UBR2: variants seen among roughly 807,000 people sequenced by gnomAD.
UBR2 encodes ubiquitin protein ligase E3 component n-recognin 2.
Under a neutral mutation model 247.9 loss-of-function variants are expected in UBR2, and 92 were observed. The ratio of observed to expected loss-of-function variants is 0.37; its 90% CI spans 0.31 to 0.44. The LOEUF is 0.44. Ranked by LOEUF, UBR2 falls within the 20% of genes least tolerant of loss-of-function variation. The probability of loss-of-function intolerance (pLI) is 1.00; values close to 1 mark genes in which losing one functional copy is unlikely to be tolerated. For synonymous variants in UBR2, 672 were observed against 693.5 expected, an observed-to-expected ratio of 0.97 and a Z score of 0.49; for missense variants, 1,613 against 2,112.6, an observed-to-expected ratio of 0.76 and a Z score of 4.64.
At chr6:42,636,865 A>AG (rs1227894811) in intron 14 of UBR2, 146 bp from the exon 15 acceptor site, 1 of 740,856 alleles carries the variant, frequency 1.3e-6, no homozygotes, top group Non-Finnish European at 2.1e-6. Context: ...GGACACTGGA[A>AG]GAGGGACCAA....
chr6:42,658,247 A>T lies in UBR2; in HGVS notation c.2990A>T (p.Asn997Ile), dbSNP rs200458609. ...DMIRWILKTF[N>I]AVKKMRESSP... ...ATACTTTTTTTTTTGTAGACTTTTA[A>T]TGCTGTTAAAAAGATGAGGGAGAGT... is the stretch of plus-strand genomic sequence containing the variant. Residue 997 changes from asparagine (N) to isoleucine (I), a missense_variant, in exon 28 of 47, where the codon AAT becomes ATT. Coordinates refer to ENST00000372901, the MANE Select transcript of UBR2 (RefSeq NM_001363705.2). The T allele has an allele frequency of 7.8e-5, 126 of 1,613,568 alleles. No individual in the cohort carries two copies. The highest frequency in any genetic ancestry group is 1.1e-4 in the Non-Finnish European group (124 of 1,179,848).
chr6:42,658,154 T>C (rs1156291217), intron 27 of UBR2, 21 bp downstream of exon 27: 1 of 1,612,258 alleles, frequency 6.2e-7, no homozygotes, highest in Non-Finnish European at 8.5e-7. Context: ...CACATTCCTC[T>C]GCTTTTTGTG....
intron 11 of UBR2, among the ~76,000 whole-genome samples, chr6:42,624,200 G>T (rs2151945706): frequency 6.6e-6 from 1 of 152,100 alleles, no homozygotes; most frequent in East Asian, 1.9e-4. Flanking sequence ...GAGTGCAGTG[G>T]TGCGATCTCA....
chr6:42,688,166 CT>C (rs758156825), intron 44 of UBR2, 49 bp from the exon 45 acceptor site: 1 of 1,613,092 alleles, frequency 6.2e-7, no homozygotes, highest in Non-Finnish European at 8.5e-7. Flanking sequence ...ATCACTAGCT[CT>C]TTAGCCACTC....
Position 42,688,339 on chromosome 6 carries a change from C to A in UBR2, c.4977C>A (p.Cys1659Ter). ...TELEGEDVGA[C>*]TAHTYSCGSG... ...TGGAAGGGGAGGATGTAGGAGCCTG[C>A]ACAGCTCACACCTACTCCTGTGGCT... Residue 1659 changes from cysteine (C) to a stop codon, truncating the protein, a stop_gained, in exon 45 of 47, where the codon TGC (cysteine) becomes TGA (stop). Coordinates refer to ENST00000372901, the MANE Select transcript of UBR2 (RefSeq NM_001363705.2). LOFTEE classifies it high-confidence loss of function. 1 of 1,613,832 alleles carries A rather than the reference C, an allele frequency of 6.2e-7. No homozygotes were observed. Among genetic ancestry groups the A allele is most frequent in the Non-Finnish European group, 8.5e-7 (1 of 1,180,036 alleles).
rs1798344150 is a variant in UBR2, at chr6:42,670,110, C to A, written c.3900C>A (p.Ser1300Arg). The A allele has an allele frequency of 6.2e-7, 1 of 1,614,048 alleles. No individual in the cohort carries two copies. Among genetic ancestry groups the A allele is most frequent in the Admixed American group, 1.7e-5 (1 of 60,004 alleles). Residue 1300 changes from serine (S) to arginine (R), a missense_variant, in exon 35 of 47, where the codon AGC (serine) becomes AGA (arginine). Ser to Arg is a moderately radical substitution (Grantham distance 110). Coordinates refer to ENST00000372901, the MANE Select transcript of UBR2 (RefSeq NM_001363705.2). The part of the protein sequence containing the change: ...DFRPKIPYSE[S>R]IKEMLTTFGT... ...ACTTCAGGATCCCTTATTCTGAGAG[C>A]ATAAAAGAAATGCTAACGACATTTG...
At chr6:42,663,993 T>C (rs1797969211) in intron 32 of UBR2, among the ~76,000 whole-genome samples, 1 of 152,044 alleles carries the variant, frequency 6.6e-6, no homozygotes, top group Admixed American at 6.6e-5. Context: ...ACCCTGTCTG[T>C]ACAAAAAATA....
intron 37 of UBR2, 70 bp from the exon 38 acceptor site, chr6:42,674,056 A>C: frequency 6.7e-7 from 1 of 1,502,730 alleles, no homozygotes. Context: ...GATAAATTTA[A>C]AGCAGATTAT....
chr6:42,670,907 C>T (rs1167396232), intron 36 of UBR2, among the ~76,000 whole-genome samples, 192 bp downstream of exon 36: 2 of 152,172 alleles, frequency 1.3e-5, no homozygotes, highest in African/African-American at 4.8e-5. Flanking sequence ...TTCAGGAGGC[C>T]GGGCGCAGTG....
chr6:42,637,649 T>A (rs2151954938), intron 15 of UBR2, among the ~76,000 whole-genome samples: 1 of 152,346 alleles, frequency 6.6e-6, no homozygotes, highest in African/African-American at 2.4e-5. Flanking sequence ...CCTCTCCCTC[T>A]GAGCTGTTTC....
rs374306390 is a variant in UBR2, at chr6:42,625,812, T to C, written c.1282-6740T>C. 1.3e-3 allele frequency among the ~76,000 whole-genome samples: 195 copies of C among 148,838 alleles called. 1 individual carries two copies. The highest frequency in any genetic ancestry group is 8.3e-4 in the African/African-American group (34 of 40,734). On this transcript the variant is annotated intron_variant, in intron 11 of 46. Coordinates refer to ENST00000372901, the MANE Select transcript of UBR2 (RefSeq NM_001363705.2). ...ACCTTTAGTTGCGTTGATTTATTTT[T>C]CCCCCCTTTTTTTTTTTTTGAGGCG...
At chr6:42,631,264 T>C (rs1795694222) in intron 11 of UBR2, among the ~76,000 whole-genome samples, 1 of 152,214 alleles carries the variant, frequency 6.6e-6, no homozygotes, top group African/African-American at 2.4e-5. Context: ...CCATGATCTT[T>C]TGTATCAGAG....
chr6:42,569,873 G>A (rs1791006298), intron 1 of UBR2, among the ~76,000 whole-genome samples: 1 of 152,220 alleles, frequency 6.6e-6, no homozygotes, highest in East Asian at 1.9e-4. Flanking sequence ...TTACTTTAGA[G>A]GAATGAGTTG....
At chr6:42,630,246 A>T (rs924599292) in intron 11 of UBR2, among the ~76,000 whole-genome samples, 1 of 149,670 alleles carries the variant, frequency 6.7e-6, no homozygotes. Context: ...GTGCAATGGC[A>T]TGATCTCGGT....
chr6:42,669,985 A>G (rs1291879458), intron 34 of UBR2, 107 bp from the exon 35 acceptor site: 1 of 1,297,096 alleles, frequency 7.7e-7, no homozygotes, highest in African/African-American at 1.5e-5. Flanking sequence ...CTCTGGATAT[A>G]TGTTAAGTGG....
At chr6:42,680,037 G>A (rs1016139845) in intron 42 of UBR2, among the ~76,000 whole-genome samples, 6 of 152,066 alleles carry the variant, frequency 3.9e-5, no homozygotes, top group Non-Finnish European at 7.4e-5. Flanking sequence ...ACTGAGTCTT[G>A]CTCTGTCACC....
chr6:42,580,459 A>C (rs1033953165), intron 2 of UBR2, among the ~76,000 whole-genome samples: 4 of 152,194 alleles, frequency 2.6e-5, no homozygotes, highest in African/African-American at 9.7e-5. Context: ...ATATTACTAA[A>C]ATTTTATCTC....
intron 27 of UBR2, 49 bp downstream of exon 27, chr6:42,658,182 G>C (rs1236518960): frequency 6.2e-7 from 1 of 1,609,362 alleles, no homozygotes; most frequent in Admixed American, 1.7e-5. Context: ...TTGAATATTT[G>C]TTATGTGTAC....
At chr6:42,651,634 G>T (rs1797118569) in intron 23 of UBR2, among the ~76,000 whole-genome samples, 1 of 152,038 alleles carries the variant, frequency 6.6e-6, no homozygotes, top group Non-Finnish European at 1.5e-5. Flanking sequence ...AGGATTACAG[G>T]TGTGTGCCAC....
Sources: allele counts gnomAD v4.1 joint callset (sites outside exome capture counted in the v4.1 genomes callset), GRCh38; gene constraint gnomAD v4.1.1; transcripts MANE v1.5; gene names NCBI Gene and HGNC (gene_info 2026-07-23, HGNC 2026-07-21).